The following FAM177B variants were observed in gnomAD, a reference collection of about 807,000 sequenced individuals.
FAM177B encodes family with sequence similarity 177 member B, also known as protein FAM177B.
Under a neutral mutation model 16.1 loss-of-function variants are expected in FAM177B, and 16 were observed. The ratio of observed to expected loss-of-function variants is 0.99; its 90% CI spans 0.67 to 1.51. The LOEUF is 1.51. Among genes scored for constraint, FAM177B ranks in the 40% most tolerant of loss-of-function variants. The pLI is 0.00. For missense variants in FAM177B, 178 were observed against 183.7 expected (o/e 0.97, Z 0.18); for synonymous variants, 56 against 59.9 (o/e 0.93, Z 0.30).
At chr1:222,738,798 G>C (rs1460782236) in intron 2 of FAM177B, among the ~76,000 whole-genome samples, 1 of 152,204 alleles carries the variant, frequency 6.6e-6, no homozygotes, top group Non-Finnish European at 1.5e-5. Context: ...TCACTATTGA[G>C]ACCCCTCTGT....
Position 222,750,202 on chromosome 1 carries a change from A to T in FAM177B, c.*144A>T, listed in dbSNP as rs1658992412. ...GCACTTCTGAGCCAGATCTGATCCT[A>T]ATCTCTGTGTGACTTAGTCTCAAGC... On this transcript the variant is annotated 3_prime_UTR_variant, in exon 6 of 6. Transcript: ENST00000445590. 1 of 1,457,330 alleles carries T rather than the reference A, an allele frequency of 6.9e-7. No individual in the cohort carries two copies. The highest frequency in any genetic ancestry group is 1.4e-5 in the African/African-American group (1 of 70,802). The allele number at this position is 1,457,330 out of a possible 1,614,324, so 90.3% of individuals were successfully genotyped here.
Position 222,746,649 on chromosome 1 carries a change from A to C in FAM177B, c.104A>C (p.Glu35Ala). 1 of 1,613,782 alleles carries C rather than the reference A, an allele frequency of 6.2e-7. No individual in the cohort carries two copies. ...IIHFVDGDIMEEYSTEEEEEE... is the reference protein window; with the variant it reads ...IIHFVDGDIMAEYSTEEEEEE... ...CATTTTGTTGACGGAGACATCATGG[A>C]AGAATATAGCACAGAGGAGGAGGAG... The change falls in exon 3 of 6, where the codon GAA (glutamate) becomes GCA (alanine). Residue 35 changes from glutamate to alanine, a missense_variant. Physicochemically the swap from Glu to Ala is moderately radical, Grantham distance 107. Transcript: ENST00000445590.
chr1:222,745,916 C>CA (rs895485860), intron 2 of FAM177B, among the ~76,000 whole-genome samples: 1 of 151,624 alleles, frequency 6.6e-6, no homozygotes, highest in African/African-American at 2.4e-5. Flanking sequence ...AAGTCTGTTT[C>CA]AAAAAAAAGA....
Position 222,750,419 on chromosome 1 carries a change from A to T in FAM177B, c.*361A>T, listed in dbSNP as rs1658999650. The T allele has an allele frequency of 9.7e-7, 1 of 1,026,218 alleles. No individual in the cohort carries two copies. The allele number at this position is 1,026,218 out of a possible 1,614,324, so 63.6% of individuals were successfully genotyped here. On this transcript the variant is annotated 3_prime_UTR_variant, in exon 6 of 6. Coordinates refer to ENST00000445590, the MANE Select transcript of FAM177B (RefSeq NM_001394345.1). ...TTTGGCTGAAATCCTCTGTCATGGG[A>T]CGAGGGTACAGTAAAGAAGCTCTAT...
intron 2 of FAM177B, among the ~76,000 whole-genome samples, chr1:222,739,032 G>A (rs1369090241): frequency 6.6e-6 from 1 of 152,250 alleles, no homozygotes; most frequent in East Asian, 1.9e-4. Context: ...AAAGAACGAA[G>A]ACTGGTATTT....
At chr1:222,749,262 A>T (rs1469100169) in intron 4 of FAM177B, 2 of 536,192 alleles carry the variant, frequency 3.7e-6, no homozygotes, top group East Asian at 3.2e-5. Flanking sequence ...CCATATAAAG[A>T]TAGAAGATTT....
At chr1:222,747,328 CT>C (rs745364411) in intron 4 of FAM177B, 1 of 449,602 alleles carries the variant, frequency 2.2e-6, no homozygotes, top group Non-Finnish European at 4.0e-6. Context: ...AAAGTTCCTA[CT>C]TATCTTTCTT....
chr1:222,746,674 G>A lies in FAM177B; in HGVS notation c.129G>A (p.Glu43=). ...IMEEYSTEEE[E]EEEKEEQSTN... Reference sequence around the variant, plus strand: ...AAGAATATAGCACAGAGGAGGAGGAGGAAGAGGAAAAGGAGGAGCAGAGCA... The same window carrying A: ...AAGAATATAGCACAGAGGAGGAGGAAGAAGAGGAAAAGGAGGAGCAGAGCA... The change falls in exon 3 of 6, where the codon GAG becomes GAA. Residue 43 remains glutamate, a synonymous_variant. Transcript: ENST00000445590. 2 of 1,613,478 alleles carry A rather than the reference G, an allele frequency of 1.2e-6. No homozygotes were observed. Among genetic ancestry groups the A allele is most frequent in the South Asian group, 1.1e-5 (1 of 91,022 alleles).
intron 2 of FAM177B, among the ~76,000 whole-genome samples, chr1:222,742,240 TTG>T (rs1658587924): frequency 6.6e-6 from 1 of 152,184 alleles, no homozygotes. Context: ...TTATACTGTA[TTG>T]TCTGTTGCTT....
Position 222,741,812 on chromosome 1 carries a change from CTTCT to C in FAM177B, c.-16+3802_-16+3805del, listed in dbSNP as rs937565547. Among the ~76,000 whole-genome samples, 94 of 137,056 alleles carry C rather than the reference CTTCT, an allele frequency of 6.9e-4. 1 individual carries two copies. The highest frequency in any genetic ancestry group is 4.1e-3 in the Middle Eastern group (1 of 242). 89.9% of individuals were successfully genotyped at this position (137,056 alleles called of 152,430 possible). A position where few individuals can be genotyped will look rare whatever the true frequency, so the allele number is the denominator to read the frequency against. On this transcript the variant is annotated intron_variant, in intron 2 of 5. Coordinates refer to ENST00000445590, the MANE Select transcript of FAM177B (RefSeq NM_001394345.1). Reference sequence around the variant, plus strand: ...TCTTTCTTTCTTTCTCTCTTTCTTTCTTCTTTCTTTCTTTTTTCTTTCTTTCTTT... The same window carrying C: ...TCTTTCTTTCTTTCTCTCTTTCTTTCTTCTTTCTTTTTTCTTTCTTTCTTT...
rs147307825 is a variant in FAM177B at position 222,738,680 on chromosome 1, A to G, written c.-16+659A>G. ...AGACCGTGTCTCAAAAAAAAGAAAA[A>G]AAAAATTAAACCAAAGCCAAAAGAA... On this transcript the variant is annotated intron_variant, in intron 2 of 5. Coordinates refer to ENST00000445590, the MANE Select transcript of FAM177B (RefSeq NM_001394345.1). 1.6e-3 allele frequency among the ~76,000 whole-genome samples: 248 copies of G among 152,286 alleles called. 1 individual carries two copies. Among genetic ancestry groups the G allele is most frequent in the African/African-American group, 5.4e-3 (224 of 41,550 alleles).
chr1:222,745,549 A>G (rs1387914585), intron 2 of FAM177B, among the ~76,000 whole-genome samples: 1 of 152,154 alleles, frequency 6.6e-6, no homozygotes, highest in South Asian at 2.1e-4. Context: ...CCTGGGAGGT[A>G]AGGGCTGCAG....
rs1283478106 is a variant in FAM177B, at chr1:222,750,443, A to G, written c.*385A>G. 1.0e-6 allele frequency: 1 copy of G among 999,728 alleles called. No individual in the cohort carries two copies. The highest frequency in any genetic ancestry group is 1.2e-6 in the Non-Finnish European group (1 of 840,004). 61.9% of individuals were successfully genotyped at this position (999,728 alleles called of 1,614,324 possible). ...GACGAGGGTACAGTAAAGAAGCTCT[A>G]TTCCTCAGAAGAAAATTTGGGCACC... is the stretch of plus-strand genomic sequence containing the variant. On this transcript the variant is annotated 3_prime_UTR_variant, in exon 6 of 6. Transcript: ENST00000445590.
chr1:222,741,774 C>T (rs1658545150), intron 2 of FAM177B, among the ~76,000 whole-genome samples: 1 of 134,558 alleles, frequency 7.4e-6, no homozygotes, highest in Admixed American at 7.8e-5. Context: ...TTCTTTCTTC[C>T]TTTCTTTCTT....
intron 2 of FAM177B, among the ~76,000 whole-genome samples, chr1:222,743,369 G>A (rs1658638534): frequency 6.6e-6 from 1 of 151,854 alleles, no homozygotes; most frequent in African/African-American, 2.4e-5. Context: ...TGTTGGCCAG[G>A]CTGGTCTGGA....
chr1:222,746,981 T>G, intron 3 of FAM177B, 34 bp from the exon 4 acceptor site: 1 of 1,409,240 alleles, frequency 7.1e-7, no homozygotes, highest in Non-Finnish European at 1.0e-6. Flanking sequence ...ATTCCTCTTA[T>G]TAACTACTCT....
At chr1:222,743,289 A>G (rs1658633748) in intron 2 of FAM177B, among the ~76,000 whole-genome samples, 1 of 151,638 alleles carries the variant, frequency 6.6e-6, no homozygotes. Flanking sequence ...CTGGGATTAT[A>G]GGCTCTTGCC....
At chr1:222,747,957 C>G (rs764070519) in intron 4 of FAM177B, among the ~76,000 whole-genome samples, 11 of 152,112 alleles carry the variant, frequency 7.2e-5, no homozygotes, top group Admixed American at 4.6e-4. Context: ...GGGCTCTGAC[C>G]TGGAAGACTC....
chr1:222,744,082 A>T (rs578214566), intron 2 of FAM177B, among the ~76,000 whole-genome samples: 59 of 152,078 alleles, frequency 3.9e-4, no homozygotes, highest in African/African-American at 9.9e-4. Context: ...ATTTAATTTC[A>T]TCCAGCATTT....
Sources: gnomAD v4.1 joint callset for allele counts (sites outside exome capture counted in the v4.1 genomes callset) on GRCh38, gnomAD v4.1.1 for gene constraint, MANE v1.5 for transcripts, NCBI Gene and HGNC (gene_info 2026-07-23, HGNC 2026-07-21) for gene names.